ASTN2: variants seen among roughly 807,000 people sequenced by gnomAD.
ASTN2 encodes the protein astrotactin-2.
Under a neutral mutation model 139.8 loss-of-function variants are expected in ASTN2, and 54 were observed. The observed-to-expected ratio is 0.39, with a 90% CI of 0.31 to 0.48. The LOEUF is 0.48. Ranked by LOEUF, ASTN2 falls within the 20% of genes least tolerant of loss-of-function variation. The pLI is 0.95. For missense variants in ASTN2, 1,565 were observed against 1,725.1 expected (o/e 0.91, Z 1.64); for synonymous variants, 756 against 719.5 (o/e 1.05, Z -0.81).
rs34731241 is a variant in ASTN2 at position 116,429,339 on chromosome 9, GAAAAAA to G, written c.3783-3257_3783-3252del. Among the ~76,000 whole-genome samples the G allele has an allele frequency of 3.3e-5, 3 of 90,850 alleles. No homozygotes were observed. In the South Asian group the frequency reaches 1.0e-3, roughly 30 times the overall value. The allele number at this position is 90,850 out of a possible 152,430, so 59.6% of individuals were successfully genotyped here. A position where few individuals can be genotyped will look rare whatever the true frequency, so the allele number is the denominator to read the frequency against. ...GGGCAACAATAGCGAAACTCTATCT[GAAAAAA>G]AAAAAAAAAAAAAAAGTAACCAAGT... On this transcript the variant is annotated intron_variant, in intron 22 of 22. Coordinates refer to ENST00000313400, the MANE Select transcript of ASTN2 (RefSeq NM_001365068.1).
chr9:116,775,802 GGGAAGGAAGAAA>G (rs1405343951), intron 13 of ASTN2, among the ~76,000 whole-genome samples: 7 of 144,996 alleles, frequency 4.8e-5, no homozygotes, highest in East Asian at 2.1e-4. Context: ...GGAAGGAGGA[GGGAAGGAAGAAA>G]GGAAGGAAGA....
chr9:117,393,395 G>C (rs1336467539), intron 1 of ASTN2, among the ~76,000 whole-genome samples: 1 of 151,968 alleles, frequency 6.6e-6, no homozygotes, highest in African/African-American at 2.4e-5. Context: ...TGTAGAGAAA[G>C]AGGAGAAAAG....
intron 22 of ASTN2, among the ~76,000 whole-genome samples, chr9:116,426,386 G>A (rs1847310075): frequency 1.3e-5 from 2 of 152,068 alleles, no homozygotes; most frequent in Admixed American, 6.6e-5. Context: ...TGATCAAATA[G>A]GTATTATTAT....
intron 3 of ASTN2, among the ~76,000 whole-genome samples, chr9:117,201,645 G>T (rs777518013): frequency 6.6e-6 from 1 of 152,060 alleles, no homozygotes; most frequent in South Asian, 2.1e-4. Flanking sequence ...GAAAATGTGT[G>T]GTTTTGAGTG....
chr9:116,463,892 A>G (rs1440046516), intron 20 of ASTN2, among the ~76,000 whole-genome samples: 1 of 148,812 alleles, frequency 6.7e-6, no homozygotes, highest in African/African-American at 2.5e-5. Flanking sequence ...GCATGCCACC[A>G]TGAACAGAGT....
intron 3 of ASTN2, among the ~76,000 whole-genome samples, chr9:117,188,407 T>C (rs114242689): frequency 4.7e-4 from 72 of 152,200 alleles, no homozygotes; most frequent in African/African-American, 1.6e-3. Context: ...AGGTGTCATG[T>C]AGTTTATGGG....
chr9:117,243,844 G>A (rs915382501), intron 2 of ASTN2, among the ~76,000 whole-genome samples: 2 of 152,152 alleles, frequency 1.3e-5, no homozygotes, highest in Non-Finnish European at 2.9e-5. Flanking sequence ...TACCCAATAT[G>A]CATTTCCCTT....
intron 7 of ASTN2, among the ~76,000 whole-genome samples, chr9:116,989,569 T>A (rs977920223): frequency 6.8e-6 from 1 of 147,228 alleles, no homozygotes; most frequent in East Asian, 2.1e-4. Context: ...GCTAATCTCA[T>A]TTCTGATTAT....
chr9:117,289,604 T>C (rs924962638), intron 2 of ASTN2, among the ~76,000 whole-genome samples: 1 of 152,158 alleles, frequency 6.6e-6, no homozygotes, highest in Non-Finnish European at 1.5e-5. Context: ...TTGGTCAAAA[T>C]TGAGTCTCAC....
chr9:117,079,899 C>G (rs1398661514), intron 5 of ASTN2, among the ~76,000 whole-genome samples: 2 of 152,268 alleles, frequency 1.3e-5, no homozygotes, highest in African/African-American at 4.8e-5. Context: ...AGGACCTGTG[C>G]TAAGTTTGTT....
intron 3 of ASTN2, among the ~76,000 whole-genome samples, chr9:117,180,318 C>A (rs1831026144): frequency 6.6e-6 from 1 of 152,170 alleles, no homozygotes; most frequent in Non-Finnish European, 1.5e-5. Flanking sequence ...TCTTTCTGTT[C>A]ATGTTCCTTT....
At chr9:117,397,214 C>G (rs1830700932) in intron 1 of ASTN2, among the ~76,000 whole-genome samples, 1 of 152,074 alleles carries the variant, frequency 6.6e-6, no homozygotes, top group Admixed American at 6.6e-5. Context: ...CTGGCCCATC[C>G]CCTCAAGCAT....
intron 10 of ASTN2, among the ~76,000 whole-genome samples, chr9:116,877,636 A>G (rs966126062): frequency 6.6e-6 from 1 of 152,118 alleles, no homozygotes; most frequent in East Asian, 1.9e-4. Flanking sequence ...CCTGGAGAGT[A>G]TGAGACCCTG....
At chr9:117,027,443 C>A (rs1838119636) in intron 6 of ASTN2, among the ~76,000 whole-genome samples, 1 of 152,260 alleles carries the variant, frequency 6.6e-6, no homozygotes. Flanking sequence ...CCATTAGATC[C>A]ATTCATGCCC....
intron 7 of ASTN2, among the ~76,000 whole-genome samples, chr9:116,982,740 T>A (rs1588458110): frequency 6.6e-6 from 1 of 150,710 alleles, no homozygotes; most frequent in Non-Finnish European, 1.5e-5. Flanking sequence ...TAATTTTTAA[T>A]TTTTTTTGGT....
intron 3 of ASTN2, among the ~76,000 whole-genome samples, chr9:117,193,639 C>CAAA (rs61700943): frequency 0.022 from 2,304 of 105,482 alleles, 90 homozygotes; most frequent in African/African-American, 0.047. Context: ...ATTCAGTCAC[C>CAAA]AAAAAAAAAA....
At chr9:116,842,511 C>CA (rs754392752) in intron 11 of ASTN2, among the ~76,000 whole-genome samples, 155 of 151,786 alleles carry the variant, frequency 1.0e-3, no homozygotes, top group Non-Finnish European at 1.9e-3. Flanking sequence ...TGCTTCCTGG[C>CA]ATATAAGTGA....
At chr9:117,277,895 G>C (rs1445643388) in intron 2 of ASTN2, among the ~76,000 whole-genome samples, 1 of 152,162 alleles carries the variant, frequency 6.6e-6, no homozygotes, top group Non-Finnish European at 1.5e-5. Flanking sequence ...TTCTCTGATA[G>C]ATTCATTTTC....
intron 20 of ASTN2, among the ~76,000 whole-genome samples, chr9:116,464,812 C>T (rs891440761): frequency 3.3e-5 from 5 of 152,200 alleles, no homozygotes; most frequent in African/African-American, 9.7e-5. Context: ...CTCTACTTGC[C>T]TATAGGGATC....
Sources: allele counts gnomAD v4.1 joint callset (sites outside exome capture counted in the v4.1 genomes callset), GRCh38; gene constraint gnomAD v4.1.1; transcripts MANE v1.5; gene names NCBI Gene and HGNC (gene_info 2026-07-23, HGNC 2026-07-21).